SMG1: variants seen among roughly 807,000 people sequenced by gnomAD.
SMG1 encodes SMG1 nonsense mediated mRNA decay associated PI3K related kinase.
SMG1 carries 22 observed loss-of-function variants against 419.9 expected under a neutral mutation model. The ratio of observed to expected loss-of-function variants is 0.05; its 90% CI spans 0.04 to 0.07. SMG1 has a LOEUF of 0.07. Ranked by LOEUF, SMG1 falls within the 10% of genes least tolerant of loss-of-function variation. SMG1 has a pLI of 1.00. For synonymous variants in SMG1, 1,538 were observed against 1,553.5 expected (o/e 0.99, Z 0.23); for missense variants, 3,185 against 4,342.0 (o/e 0.73, Z 7.49).
chr16:18,807,888 T>G lies in SMG1; in HGVS notation c.*1681A>C, dbSNP rs1201830557. 1 of 152,112 alleles carries G rather than the reference T, an allele frequency of 6.6e-6. No individual in the cohort carries two copies. The highest frequency in any genetic ancestry group is 1.5e-5 in the Non-Finnish European group (1 of 68,050). The allele number at this position is 152,112 out of a possible 1,614,324, so 9.4% of individuals were successfully genotyped here. A position where few individuals can be genotyped will look rare whatever the true frequency, so the allele number is the denominator to read the frequency against. On this transcript the variant is annotated 3_prime_UTR_variant, in exon 63 of 63. Coordinates refer to ENST00000446231, the MANE Select transcript of SMG1 (RefSeq NM_015092.5). Reference sequence around the variant, plus strand: ...CATTCTCCTGCCTCAGCCTCCCGAGTAGCTGGGACTACAGGCGCCCGCCAC... The same window carrying G: ...CATTCTCCTGCCTCAGCCTCCCGAGGAGCTGGGACTACAGGCGCCCGCCAC...
chr16:18,871,998 G>T (rs1291005302), intron 15 of SMG1, among the ~76,000 whole-genome samples, 186 bp downstream of exon 15: 3 of 152,048 alleles, frequency 2.0e-5, no homozygotes, highest in African/African-American at 7.2e-5. Context: ...TTTTCAGAAA[G>T]AATAAGAAAG....
rs115505454 is a variant in SMG1, at chr16:18,838,380, C to T, written c.7171G>A (p.Val2391Ile). 3.1e-5 allele frequency: 50 copies of T among 1,610,920 alleles called. No individual in the cohort carries two copies. The East Asian group carries it at 1.0e-3, about 34-fold the overall frequency. ...ACCTGCTCACATGAAAGCCTAAATA[C>T]ACCTTCTACTCCAGTTACACCCAGT... is the stretch of plus-strand genomic sequence containing the variant. Reference protein sequence around the residue: ...TALGVTGVEGVFRLSCEQVLH... With the variant: ...TALGVTGVEGIFRLSCEQVLH... The change falls in exon 44 of 63, where the codon GTA (valine) becomes ATA (isoleucine). Residue 2391 changes from valine (V) to isoleucine (I), a missense_variant. Physicochemically the swap from Val to Ile is conservative, Grantham distance 29. Transcript: ENST00000446231.
chr16:18,848,710 G>A (rs904974117), intron 36 of SMG1, among the ~76,000 whole-genome samples: 1 of 152,096 alleles, frequency 6.6e-6, no homozygotes, highest in African/African-American at 2.4e-5. Flanking sequence ...TACAGATAAT[G>A]TGTAAAGCAC....
intron 49 of SMG1, 88 bp downstream of exon 49, chr16:18,834,804 C>A: frequency 7.1e-7 from 1 of 1,408,680 alleles, no homozygotes. Flanking sequence ...TAACACTTGG[C>A]AAGACTAAGG....
chr16:18,828,545 G>A (rs545419212), intron 54 of SMG1, among the ~76,000 whole-genome samples: 7 of 152,252 alleles, frequency 4.6e-5, no homozygotes, highest in South Asian at 2.1e-4. Flanking sequence ...CATCCCCTAA[G>A]TAATTAAGGC....
intron 54 of SMG1, among the ~76,000 whole-genome samples, chr16:18,828,822 A>C (rs2032946373): frequency 1.3e-5 from 2 of 152,186 alleles, no homozygotes; most frequent in South Asian, 4.1e-4. Flanking sequence ...AACATGGAGA[A>C]ACCCCATCTC....
intron 60 of SMG1, among the ~76,000 whole-genome samples, chr16:18,814,689 C>T (rs1425493346): frequency 4.6e-5 from 7 of 151,776 alleles, no homozygotes; most frequent in Admixed American, 4.6e-4. Flanking sequence ...ATTCTCCTGC[C>T]TCAGCCTCCT....
intron 8 of SMG1, chr16:18,884,875 T>G: frequency 1.9e-6 from 1 of 538,322 alleles, no homozygotes; most frequent in South Asian, 2.4e-5. Flanking sequence ...ACAAATAACT[T>G]GGGTAAGTCC....
At chr16:18,899,940 A>G (rs2037281856) in intron 1 of SMG1, 1 of 936,818 alleles carries the variant, frequency 1.1e-6, no homozygotes, top group Non-Finnish European at 1.7e-6. Flanking sequence ...CTGAAGTTAA[A>G]GCCTGATGTA....
At chr16:18,854,066 T>C (rs1291947698) in intron 30 of SMG1, among the ~76,000 whole-genome samples, 199 bp from the exon 31 acceptor site, 1 of 143,810 alleles carries the variant, frequency 7.0e-6, no homozygotes, top group Non-Finnish European at 1.5e-5. Flanking sequence ...CCACTATGCC[T>C]AGCCAAAATA....
intron 30 of SMG1, 46 bp downstream of exon 30, chr16:18,854,610 T>C (rs371441862): frequency 4.3e-5 from 66 of 1,529,996 alleles, no homozygotes; most frequent in Non-Finnish European, 5.7e-5. Context: ...TTCATATACA[T>C]GATTTTTATT....
At chr16:18,900,870 C>G (rs949363092) in intron 1 of SMG1, among the ~76,000 whole-genome samples, 2 of 152,102 alleles carry the variant, frequency 1.3e-5, no homozygotes, top group Non-Finnish European at 2.9e-5. Context: ...AAGGTTTTCC[C>G]CTGTAATGCC....
intron 51 of SMG1, among the ~76,000 whole-genome samples, chr16:18,831,770 A>ACATAT (rs57580914): frequency 1.1e-5 from 1 of 93,340 alleles, no homozygotes; most frequent in Non-Finnish European, 2.4e-5. Context: ...AAAAAAAAAA[A>ACATAT]ATACATATAT....
chr16:18,834,534 T>G (rs1430444788), intron 49 of SMG1, 96 bp from the exon 50 acceptor site: 6 of 1,217,986 alleles, frequency 4.9e-6, no homozygotes, highest in Non-Finnish European at 6.9e-6. Flanking sequence ...TCCAGCATTT[T>G]GGGAGGCCGA....
In SMG1 at chr16:18,871,343, A is replaced by G. The variant is rs529697448; in HGVS notation, c.2302+21T>C. 3.2e-4 allele frequency: 407 copies of G among 1,256,114 alleles called. 6 individuals are homozygous for G. The highest frequency in any genetic ancestry group is 1.5e-3 in the South Asian group (104 of 70,218). The allele number at this position is 1,256,114 out of a possible 1,614,324, so 77.8% of individuals were successfully genotyped here. On this transcript the variant is annotated intron_variant, in intron 16 of 62. Transcript: ENST00000446231. ...AGGATTGATAAACAAAATAGAAAAA[A>G]AAAAAAAAACAGAGTCTTACTGTTG...
chr16:18,905,133 C>A (rs1295341341), intron 1 of SMG1, among the ~76,000 whole-genome samples: 1 of 151,456 alleles, frequency 6.6e-6, no homozygotes, highest in Admixed American at 6.6e-5. Context: ...TGGTGGTGGG[C>A]GCCTGTAATC....
intron 55 of SMG1, among the ~76,000 whole-genome samples, chr16:18,820,049 T>C (rs1340633779): frequency 6.6e-6 from 1 of 152,024 alleles, no homozygotes; most frequent in African/African-American, 2.4e-5. Context: ...CACTGCAACC[T>C]CTGTCACCTG....
rs1479719055 is a variant in SMG1 at position 18,819,642 on chromosome 16, C to T, written c.9754G>A (p.Ala3252Thr). The change falls in exon 56 of 63, where the codon GCA becomes ACA. Residue 3252 changes from alanine (A) to threonine (T), a missense_variant. Transcript: ENST00000446231. ...SIATVQEKLAALESSIEQRLK... is the reference protein window; with the variant it reads ...SIATVQEKLATLESSIEQRLK... ...CGCTGTTCAATACTTGATTCAAGTG[C>T]AGCTAGCTTCTCCTATAAAAGCCAG... The T allele has an allele frequency of 6.4e-7, 1 of 1,569,614 alleles. No homozygotes were observed. The highest frequency in any genetic ancestry group is 2.3e-5 in the East Asian group (1 of 43,614).
At chr16:18,821,476 T>G (rs1251905150) in intron 55 of SMG1, among the ~76,000 whole-genome samples, 1 of 19,148 alleles carries the variant, frequency 5.2e-5, no homozygotes, top group Non-Finnish European at 1.2e-4. Context: ...CATTGTTCAA[T>G]TCCCACCTAT....
Sources: gnomAD v4.1 joint callset for allele counts (sites outside exome capture counted in the v4.1 genomes callset) on GRCh38, gnomAD v4.1.1 for gene constraint, MANE v1.5 for transcripts, NCBI Gene and HGNC (gene_info 2026-07-23, HGNC 2026-07-21) for gene names.